The following TTC7B variants were observed in gnomAD, a reference collection of about 807,000 sequenced individuals.
The protein encoded by TTC7B is tetratricopeptide repeat domain 7B, also known as tetratricopeptide repeat protein 7B.
TTC7B carries 28 observed loss-of-function variants against 106.8 expected under a neutral mutation model. That is an observed-to-expected ratio of 0.26 (90% CI 0.19 to 0.36). TTC7B has a LOEUF of 0.36. Among genes scored for constraint, TTC7B ranks in the 10% least tolerant of loss-of-function variants. The probability of loss-of-function intolerance (pLI) is 1.00; values close to 1 mark genes in which losing one functional copy is unlikely to be tolerated. For synonymous variants in TTC7B, 405 were observed against 430.6 expected, an observed-to-expected ratio of 0.94 and a Z score of 0.74; for missense variants, 862 against 1,076.4, an observed-to-expected ratio of 0.80 and a Z score of 2.79.
chr14:90,695,970 G>A (rs757221509), intron 5 of TTC7B, among the ~76,000 whole-genome samples: 7 of 152,076 alleles, frequency 4.6e-5, no homozygotes, highest in Non-Finnish European at 8.8e-5. Flanking sequence ...AGCAAGCACC[G>A]TGTGCAACAT....
Position 90,650,319 on chromosome 14 carries a change from G to A in TTC7B, c.1517+2522C>T, listed in dbSNP as rs73326872. The stretch of plus-strand genomic sequence containing the variant: ...CCTGATTACAGGGGCCATGGGATTC[G>A]TGCATTAAGTTTTTTAAAAAGTGCA... On this transcript the variant is annotated intron_variant, in intron 13 of 19. Transcript: ENST00000328459. Among the ~76,000 whole-genome samples, 487 of 152,242 alleles carry A rather than the reference G, an allele frequency of 3.2e-3. 8 individuals carry two copies. Among genetic ancestry groups the A allele is most frequent in the East Asian group, 0.011 (59 of 5,180 alleles).
At chr14:90,654,945 T>A in intron 12 of TTC7B, 48 bp downstream of exon 12, 1 of 1,398,508 alleles carries the variant, frequency 7.2e-7, no homozygotes, top group South Asian at 1.2e-5. Flanking sequence ...TAGACTTAGG[T>A]AGTCCAGCCC....
At chr14:90,640,089 G>T (rs1425284575) in intron 15 of TTC7B, among the ~76,000 whole-genome samples, 2 of 152,154 alleles carry the variant, frequency 1.3e-5, no homozygotes, top group East Asian at 1.9e-4. Context: ...GCCCAGCCTG[G>T]CCAACGTGGT....
chr14:90,744,649 C>T (rs1253610747), intron 4 of TTC7B, 143 bp downstream of exon 4: 6 of 858,570 alleles, frequency 7.0e-6, no homozygotes, highest in African/African-American at 5.1e-5. Flanking sequence ...CACTACCACA[C>T]TCTCCTTAGC....
intron 3 of TTC7B, among the ~76,000 whole-genome samples, chr14:90,773,390 C>T (rs1470864726): frequency 6.6e-6 from 1 of 152,166 alleles, no homozygotes; most frequent in African/African-American, 2.4e-5. Context: ...ATTATGCTCC[C>T]ACTGACAGGC....
At chr14:90,552,894 C>T (rs2139774097) in intron 19 of TTC7B, among the ~76,000 whole-genome samples, 1 of 152,332 alleles carries the variant, frequency 6.6e-6, no homozygotes, top group South Asian at 2.1e-4. Context: ...TCCTCACTCC[C>T]TTCAAGTTAG....
chr14:90,662,854 C>T (rs1886264232), intron 9 of TTC7B, among the ~76,000 whole-genome samples: 1 of 152,150 alleles, frequency 6.6e-6, no homozygotes, highest in Non-Finnish European at 1.5e-5. Context: ...TTGTATCATA[C>T]CTATCACTTT....
chr14:90,766,964 C>T (rs990913835), intron 3 of TTC7B: 1 of 1,429,496 alleles, frequency 7.0e-7, no homozygotes, highest in South Asian at 1.2e-5. Context: ...CATGGCCGCA[C>T]TGTGGGTGTG....
At chr14:90,782,058 A>AC (rs1357007197) in intron 2 of TTC7B, among the ~76,000 whole-genome samples, 1 of 152,228 alleles carries the variant, frequency 6.6e-6, no homozygotes, top group African/African-American at 2.4e-5. Flanking sequence ...TAGAGCTTTG[A>AC]TGAGTGGACA....
At chr14:90,562,216 C>A (rs1890622399) in intron 19 of TTC7B, among the ~76,000 whole-genome samples, 1 of 152,164 alleles carries the variant, frequency 6.6e-6, no homozygotes, top group Non-Finnish European at 1.5e-5. Context: ...TTGCCATCAC[C>A]CTTCGTTCAG....
At chr14:90,617,552 G>A (rs1413870721) in intron 16 of TTC7B, among the ~76,000 whole-genome samples, 1 of 152,108 alleles carries the variant, frequency 6.6e-6, no homozygotes, top group African/African-American at 2.4e-5. Context: ...TTTAAATATT[G>A]CTGCAGGAAC....
At chr14:90,596,854 C>T (rs976345430) in intron 17 of TTC7B, among the ~76,000 whole-genome samples, 2 of 152,186 alleles carry the variant, frequency 1.3e-5, no homozygotes, top group Admixed American at 1.3e-4. Context: ...CGAGTGCTGT[C>T]AATAGACACT....
chr14:90,546,730 C>T lies in TTC7B; in HGVS notation c.2311-5141G>A, dbSNP rs557680405. On this transcript the variant is annotated intron_variant, in intron 19 of 19. Transcript: ENST00000328459. ...ATATATTACCATATAACCTGCCACT[C>T]CCTGCCCCCATATCAAACCCAACAA... 5.3e-5 allele frequency among the ~76,000 whole-genome samples: 8 copies of T among 152,356 alleles called. No homozygotes were observed. In the South Asian group the frequency reaches 1.7e-3, roughly 32 times the overall value.
intron 19 of TTC7B, among the ~76,000 whole-genome samples, chr14:90,562,513 T>C (rs899436569): frequency 3.9e-4 from 59 of 152,338 alleles, no homozygotes; most frequent in African/African-American, 1.3e-3. Context: ...AACTGTATCT[T>C]GAAAAAGTTC....
chr14:90,584,693 G>T (rs775810075), intron 18 of TTC7B, among the ~76,000 whole-genome samples: 1 of 151,430 alleles, frequency 6.6e-6, no homozygotes, highest in South Asian at 2.1e-4. Flanking sequence ...CGGAAAGGAC[G>T]CATGGCAGTA....
At chr14:90,644,993 A>G (rs1885371213) in intron 14 of TTC7B, 1 of 152,200 alleles carries the variant, frequency 6.6e-6, no homozygotes. Context: ...AATACACACA[A>G]AATGGGTATG....
chr14:90,712,526 C>G (rs1595308058), intron 5 of TTC7B, among the ~76,000 whole-genome samples: 1 of 152,112 alleles, frequency 6.6e-6, no homozygotes, highest in East Asian at 1.9e-4. Context: ...GAAAGCAATT[C>G]ACAATCACAT....
chr14:90,702,418 T>A (rs1888030349), intron 5 of TTC7B, among the ~76,000 whole-genome samples: 1 of 152,208 alleles, frequency 6.6e-6, no homozygotes, highest in South Asian at 2.1e-4. Context: ...GTAACAACTG[T>A]ATCCACCTCA....
Position 90,621,324 on chromosome 14 carries a change from C to T in TTC7B, c.1752-3279G>A, listed in dbSNP as rs562951310. On this transcript the variant is annotated intron_variant, in intron 15 of 19. Transcript: ENST00000328459. ...AGAGGCCACGCGGGTACAGCCGGGACGATGGGCAGAGGCCACGCGGGTACG... is the reference window on the plus strand; with the variant it reads ...AGAGGCCACGCGGGTACAGCCGGGATGATGGGCAGAGGCCACGCGGGTACG... Among the ~76,000 whole-genome samples the T allele has an allele frequency of 2.5e-3, 348 of 137,338 alleles. 3 individuals are homozygous for T. The highest frequency in any genetic ancestry group is 9.6e-3 in the African/African-American group (325 of 33,746). The allele number at this position is 137,338 out of a possible 152,430, so 90.1% of individuals were successfully genotyped here. A position where few individuals can be genotyped will look rare whatever the true frequency, so the allele number is the denominator to read the frequency against.
Sources: allele counts gnomAD v4.1 joint callset (sites outside exome capture counted in the v4.1 genomes callset), GRCh38; gene constraint gnomAD v4.1.1; transcripts MANE v1.5; gene names NCBI Gene and HGNC (gene_info 2026-07-23, HGNC 2026-07-21).